Variants in MAP2K5 observed in about 807,000 individuals in gnomAD.
MAP2K5 encodes mitogen-activated protein kinase kinase 5, also known as dual specificity mitogen-activated protein kinase kinase 5.
Under a neutral mutation model 83.1 loss-of-function variants are expected in MAP2K5, and 49 were observed. The ratio of observed to expected loss-of-function variants is 0.59; its 90% CI spans 0.47 to 0.75. The LOEUF (loss-of-function observed/expected upper bound fraction) is 0.75. MAP2K5 is among the 30% of genes least tolerant of loss of function. The pLI, the probability that MAP2K5 is intolerant of heterozygous loss-of-function variation, is 0.00. For synonymous variants in MAP2K5, 202 were observed against 191.8 expected (o/e 1.05, Z -0.44); for missense variants, 457 against 557.5 (o/e 0.82, Z 1.82).
chr15:67,721,617 C>T (rs906987015), intron 16 of MAP2K5, among the ~76,000 whole-genome samples: 4 of 152,172 alleles, frequency 2.6e-5, no homozygotes, highest in African/African-American at 9.6e-5. Flanking sequence ...TCTTAACAAG[C>T]TTTGCCACCA....
At chr15:67,630,742 A>T in intron 8 of MAP2K5, 146 bp from the exon 9 acceptor site, 1 of 647,544 alleles carries the variant, frequency 1.5e-6, no homozygotes, top group Non-Finnish European at 2.7e-6. Flanking sequence ...CTCCATATAA[A>T]TGTAAATTAC....
In MAP2K5 at chr15:67,610,224, A is replaced by G. The variant is rs78432241; in HGVS notation, c.545+9475A>G. 9.3e-3 allele frequency among the ~76,000 whole-genome samples: 1,423 copies of G among 152,290 alleles called. 28 individuals are homozygous for G. The highest frequency in any genetic ancestry group is 0.032 in the African/African-American group (1,348 of 41,558). ...TGAAAGTCAATGATGTATCATCTCT[A>G]GGTGTTAATTTTAGAGGCTTTTTAG... On this transcript the variant is annotated intron_variant, in intron 8 of 21. Transcript: ENST00000178640.
rs548696677 is a variant in MAP2K5, at chr15:67,573,750, A to G, written c.253-7004A>G. Among the ~76,000 whole-genome samples the G allele has an allele frequency of 1.3e-5, 2 of 152,316 alleles. No individual in the cohort carries two copies. The highest frequency in any genetic ancestry group is 2.1e-4 in the South Asian group (1 of 4,820). ...ACCAAGGAAATGTCCTGATGTCCTG[A>G]TATCTTAAGAACAAAAGCATTCTGA... On this transcript the variant is annotated intron_variant, in intron 3 of 21. Transcript: ENST00000178640. This position sits in a 1 kb window ranked among gnomAD's most constrained non-coding sequence, Gnocchi z 4.2.
In MAP2K5 at chr15:67,652,208, C is replaced by T. The variant is rs560941890; in HGVS notation, c.736+5739C>T. On this transcript the variant is annotated intron_variant, in intron 11 of 21. Transcript: ENST00000178640. This position sits in a 1 kb window ranked among gnomAD's most constrained non-coding sequence, Gnocchi z 4.2. ...TGAAATCATCTGGTTCTGAGGTTTT[C>T]GGGGTGTGTCATTAGTGCGTGTTTT... Among the ~76,000 whole-genome samples, 87 of 152,102 alleles carry T rather than the reference C, an allele frequency of 5.7e-4. 1 individual carries two copies. The South Asian group carries it at 0.016, about 29-fold the overall frequency.
At chr15:67,581,612 G>T (rs2085180451) in intron 4 of MAP2K5, among the ~76,000 whole-genome samples, 1 of 152,138 alleles carries the variant, frequency 6.6e-6, no homozygotes, top group Non-Finnish European at 1.5e-5. Flanking sequence ...TAACTTAATT[G>T]AAATAATTAA....
At chr15:67,570,348 A>T (rs2084926555) in intron 3 of MAP2K5, among the ~76,000 whole-genome samples, 1 of 152,202 alleles carries the variant, frequency 6.6e-6, no homozygotes, top group African/African-American at 2.4e-5. Context: ...GTCCCTGTTG[A>T]CCTTCACATT....
intron 3 of MAP2K5, among the ~76,000 whole-genome samples, chr15:67,571,633 C>T (rs371094710): frequency 6.6e-6 from 1 of 151,808 alleles, no homozygotes; most frequent in East Asian, 1.9e-4. Context: ...AAGAAGGTTT[C>T]CCATATACCA....
intron 8 of MAP2K5, chr15:67,628,693 T>C (rs544606663): frequency 2.3e-6 from 2 of 865,666 alleles, no homozygotes; most frequent in Non-Finnish European, 3.9e-6. Context: ...GCCACAACGG[T>C]GAAGTTAGGA....
chr15:67,607,581 TCA>T (rs2085807372), intron 8 of MAP2K5, among the ~76,000 whole-genome samples: 2 of 152,312 alleles, frequency 1.3e-5, no homozygotes, highest in South Asian at 4.1e-4. Context: ...ATTTTCAGAC[TCA>T]GTTTCCACCC....
chr15:67,803,346 G>A (rs1040489332), intron 21 of MAP2K5, among the ~76,000 whole-genome samples: 1 of 146,662 alleles, frequency 6.8e-6, no homozygotes, highest in African/African-American at 2.5e-5. Flanking sequence ...TGGAACTCGG[G>A]CACCTCTGGG....
rs2090397445 is a variant in MAP2K5 at position 67,785,290 on chromosome 15, A to G, written c.1242+12538A>G. Among the ~76,000 whole-genome samples, 1 of 152,214 alleles carries G rather than the reference A, an allele frequency of 6.6e-6. No individual in the cohort carries two copies. The highest frequency in any genetic ancestry group is 2.4e-5 in the African/African-American group (1 of 41,448). Reference sequence around the variant, plus strand: ...AGGAAGATAAGGAATTTGTGCCAGGATATAAATCAAGCCTGTCTGAAAGCA... The same window carrying G: ...AGGAAGATAAGGAATTTGTGCCAGGGTATAAATCAAGCCTGTCTGAAAGCA... On this transcript the variant is annotated intron_variant, in intron 21 of 21. Coordinates refer to ENST00000178640, the MANE Select transcript of MAP2K5 (RefSeq NM_145160.3). This position sits in a 1 kb window ranked among gnomAD's most constrained non-coding sequence, Gnocchi z 4.4.
intron 14 of MAP2K5, among the ~76,000 whole-genome samples, chr15:67,693,085 G>A (rs1438629667): frequency 6.6e-6 from 1 of 152,184 alleles, no homozygotes; most frequent in Non-Finnish European, 1.5e-5. Flanking sequence ...GAAGGTCATC[G>A]TTGTATTATG....
intron 12 of MAP2K5, among the ~76,000 whole-genome samples, chr15:67,660,118 T>G (rs1189392602): frequency 6.6e-6 from 1 of 152,164 alleles, no homozygotes; most frequent in Non-Finnish European, 1.5e-5. Context: ...TGTGTCCAAT[T>G]TTTCCAGCTT....
Position 67,782,563 on chromosome 15 carries a change from A to G in MAP2K5, c.1242+9811A>G, listed in dbSNP as rs1160315533. Among the ~76,000 whole-genome samples the G allele has an allele frequency of 6.6e-6, 1 of 152,152 alleles. No homozygotes were observed. The highest frequency in any genetic ancestry group is 2.4e-5 in the African/African-American group (1 of 41,440). On this transcript the variant is annotated intron_variant, in intron 21 of 21. Coordinates refer to ENST00000178640, the MANE Select transcript of MAP2K5 (RefSeq NM_145160.3). This position sits in a 1 kb window ranked among gnomAD's most constrained non-coding sequence, Gnocchi z 4.9. ...ACAGTGACCAGGCCTGAGTTTATTC[A>G]GCATTCACAGGGAGCAGCTAATTGT...
chr15:67,707,969 A>G (rs2088596176), intron 16 of MAP2K5, among the ~76,000 whole-genome samples: 2 of 152,156 alleles, frequency 1.3e-5, no homozygotes. Context: ...AAGAAAAAAA[A>G]ACTGATAAAA....
intron 4 of MAP2K5, among the ~76,000 whole-genome samples, chr15:67,582,823 AAC>A (rs10579310): frequency 0.57 from 84,515 of 147,934 alleles, 24,344 homozygotes; most frequent in Middle Eastern, 0.71. Context: ...ATTGTCTCAA[AAC>A]ACACACACAC....
rs973290812 is a variant in MAP2K5, at chr15:67,543,250, C to T, written c.-86C>T. 7.1e-7 allele frequency: 1 copy of T among 1,404,804 alleles called. No individual in the cohort carries two copies. The highest frequency in any genetic ancestry group is 1.4e-5 in the African/African-American group (1 of 70,926). The allele number at this position is 1,404,804 out of a possible 1,614,324, so 87.0% of individuals were successfully genotyped here. A position where few individuals can be genotyped will look rare whatever the true frequency, so the allele number is the denominator to read the frequency against. On this transcript the variant is annotated 5_prime_UTR_variant, in exon 1 of 22. Transcript: ENST00000178640. This position sits in a 1 kb window ranked among gnomAD's most constrained non-coding sequence, Gnocchi z 4.3. ...TTCACCCTCTGTCCTCTGCCCGTCA[C>T]TCCCCTTGTCACCTCTTGGAGCCCC...
intron 2 of MAP2K5, among the ~76,000 whole-genome samples, chr15:67,550,763 TC>T (rs2084492895): frequency 8.1e-6 from 1 of 123,770 alleles, no homozygotes; most frequent in African/African-American, 3.1e-5. Context: ...TTTTTTCTTT[TC>T]TTTTTCTTTT....
chr15:67,708,269 G>A lies in MAP2K5; in HGVS notation c.1044+4861G>A, dbSNP rs1425398883. On this transcript the variant is annotated intron_variant, in intron 16 of 21. Transcript: ENST00000178640. The surrounding 1 kb of genome is among the most constrained non-coding windows in gnomAD (Gnocchi z 4.9). ...GCCTAGGAGTTTGAGGCTGCAGTGA[G>A]CTATGATTGCACCACCACACTCCAG... 2.0e-5 allele frequency among the ~76,000 whole-genome samples: 3 copies of A among 151,796 alleles called. No homozygotes were observed. Among genetic ancestry groups the A allele is most frequent in the Non-Finnish European group, 2.9e-5 (2 of 67,986 alleles).
Sources: allele counts gnomAD v4.1 joint callset (sites outside exome capture counted in the v4.1 genomes callset), GRCh38; gene constraint gnomAD v4.1.1; non-coding constraint Gnocchi (gnomAD v3.1); transcripts MANE v1.5; gene names NCBI Gene and HGNC (gene_info 2026-07-23, HGNC 2026-07-21).